The following CAMK2B variants were observed in gnomAD, a reference collection of about 807,000 sequenced individuals.
CAMK2B encodes calcium/calmodulin-dependent protein kinase type II subunit beta.
Under a neutral mutation model 93.7 loss-of-function variants are expected in CAMK2B, and 27 were observed. The observed-to-expected ratio is 0.29, with a 90% CI of 0.21 to 0.40. The LOEUF is 0.40. Ranked by LOEUF, CAMK2B falls within the 10% of genes least tolerant of loss-of-function variation. The pLI, the probability that CAMK2B is intolerant of heterozygous loss-of-function variation, is 1.00. For missense variants in CAMK2B, 568 were observed against 895.8 expected (o/e 0.63, Z 4.67); for synonymous variants, 374 against 358.8 (o/e 1.04, Z -0.48).
At chr7:44,229,158 C>T (rs2096553076) in intron 18 of CAMK2B, 1 of 619,634 alleles carries the variant, frequency 1.6e-6, no homozygotes. Flanking sequence ...TCCAGGGCCT[C>T]CCATCCTGCC....
At chr7:44,242,432 T>C (rs2096689117) in intron 9 of CAMK2B, 92 bp from the exon 10 acceptor site, 1 of 1,558,246 alleles carries the variant, frequency 6.4e-7, no homozygotes. Context: ...CAGCCACGAA[T>C]CTGGGAGAGC....
intron 2 of CAMK2B, among the ~76,000 whole-genome samples, chr7:44,283,217 G>A (rs935230215): frequency 6.6e-6 from 1 of 152,242 alleles, no homozygotes; most frequent in African/African-American, 2.4e-5. Flanking sequence ...TGCCCCGGGA[G>A]GCCTCTGCCC....
Position 44,219,265 on chromosome 7 carries a change from C to T in CAMK2B, c.*260G>A, listed in dbSNP as rs1328726015. On this transcript the variant is annotated 3_prime_UTR_variant, in exon 24 of 24. Transcript: ENST00000395749. ...TGCCAGTGATTTTTACAGCTTTTTC[C>T]TTCCTTTAGTTTTTTTTGTTTTTTT... 4.2e-5 allele frequency: 6 copies of T among 144,482 alleles called. No homozygotes were observed. Among genetic ancestry groups the T allele is most frequent in the African/African-American group, 1.0e-4 (4 of 38,778 alleles). 9.0% of individuals were successfully genotyped at this position (144,482 alleles called of 1,614,324 possible). A position where few individuals can be genotyped will look rare whatever the true frequency, so the allele number is the denominator to read the frequency against.
chr7:44,228,373 C>G (rs1316964503), intron 19 of CAMK2B, among the ~76,000 whole-genome samples: 3 of 152,098 alleles, frequency 2.0e-5, no homozygotes, highest in Non-Finnish European at 2.9e-5. Flanking sequence ...CATCAGGAAC[C>G]AGGGTGGCCC....
At chr7:44,260,028 G>A (rs1371551016) in intron 3 of CAMK2B, among the ~76,000 whole-genome samples, 2 of 152,138 alleles carry the variant, frequency 1.3e-5, no homozygotes, top group African/African-American at 4.8e-5. Flanking sequence ...CTGGCTTGAG[G>A]GCCTGCACTG....
At chr7:44,278,195 G>A (rs770320106) in intron 2 of CAMK2B, among the ~76,000 whole-genome samples, 2 of 152,186 alleles carry the variant, frequency 1.3e-5, no homozygotes, top group Non-Finnish European at 2.9e-5. Flanking sequence ...GGGCCTGCAG[G>A]TTGGGTGGGC....
At chr7:44,229,556 G>A in intron 17 of CAMK2B, 55 bp from the exon 18 acceptor site, 3 of 838,524 alleles carry the variant, frequency 3.6e-6, no homozygotes, top group Non-Finnish European at 5.2e-6. Context: ...AGGAAAAGAA[G>A]GCAACTGGAG....
chr7:44,300,008 A>C (rs1275151435), intron 1 of CAMK2B, among the ~76,000 whole-genome samples: 4 of 118,952 alleles, frequency 3.4e-5, no homozygotes, highest in Admixed American at 1.9e-4. Context: ...ATGTATGTAT[A>C]TGTGTATGTG....
intron 1 of CAMK2B, among the ~76,000 whole-genome samples, chr7:44,292,921 G>A (rs1355174133): frequency 6.6e-6 from 1 of 152,206 alleles, no homozygotes; most frequent in Non-Finnish European, 1.5e-5. Context: ...GCTCATCCAA[G>A]GATACACCCA....
Position 44,325,460 on chromosome 7 carries a change from TCGGGCGGCGGCGACTCCGGCTCCCGCTCG to T in CAMK2B, c.-68_-40del. 1 of 1,039,940 alleles carries T rather than the reference TCGGGCGGCGGCGACTCCGGCTCCCGCTCG, an allele frequency of 9.6e-7. No homozygotes were observed. The allele number at this position is 1,039,940 out of a possible 1,614,324, so 64.4% of individuals were successfully genotyped here. ...GGGCTCGGCGTGCGCTCGGCTGCGC[TCGGGCGGCGGCGACTCCGGCTCCCGCTCG>T]CGGGCACGGCGGCGACACGGGCGCG... On this transcript the variant is annotated 5_prime_UTR_variant, in exon 1 of 24. Transcript: ENST00000395749.
intron 4 of CAMK2B, among the ~76,000 whole-genome samples, chr7:44,256,370 T>G (rs2096833928): frequency 6.6e-6 from 1 of 152,222 alleles, no homozygotes; most frequent in Non-Finnish European, 1.5e-5. Context: ...TGTCTGTGTG[T>G]CTGTACCTAT....
intron 22 of CAMK2B, 117 bp from the exon 23 acceptor site, chr7:44,220,411 G>T: frequency 2.2e-6 from 2 of 914,332 alleles, no homozygotes; most frequent in Non-Finnish European, 3.4e-6. Context: ...GGGAGGCTCG[G>T]CTCTCCTGGG....
chr7:44,253,461 C>G (rs944991884), intron 5 of CAMK2B, among the ~76,000 whole-genome samples: 1 of 152,210 alleles, frequency 6.6e-6, no homozygotes, highest in Non-Finnish European at 1.5e-5. Flanking sequence ...GATCCGCCCA[C>G]CTCGGCCTCC....
chr7:44,240,599 G>C, intron 12 of CAMK2B, 108 bp downstream of exon 12: 1 of 1,287,030 alleles, frequency 7.8e-7, no homozygotes, highest in Non-Finnish European at 1.1e-6. Context: ...GCCGAGGGCA[G>C]GCCTGCCGCA....
At chr7:44,309,562 G>A (rs2116040868) in intron 1 of CAMK2B, among the ~76,000 whole-genome samples, 1 of 152,210 alleles carries the variant, frequency 6.6e-6, no homozygotes, top group East Asian at 1.9e-4. Flanking sequence ...GGAAGGACAG[G>A]CAGAAGCGGT....
chr7:44,272,230 G>A (rs2096981645), intron 2 of CAMK2B, among the ~76,000 whole-genome samples: 1 of 152,228 alleles, frequency 6.6e-6, no homozygotes, highest in Admixed American at 6.5e-5. Flanking sequence ...TAGGTCTGAG[G>A]CAGGAATAAC....
intron 1 of CAMK2B, among the ~76,000 whole-genome samples, chr7:44,317,800 T>C (rs765093445): frequency 4.6e-5 from 7 of 152,084 alleles, no homozygotes; most frequent in Non-Finnish European, 1.0e-4. Context: ...AAAATGAAGG[T>C]AAACTTCAAA....
chr7:44,315,529 C>A (rs1454135267), intron 1 of CAMK2B, among the ~76,000 whole-genome samples: 1 of 152,156 alleles, frequency 6.6e-6, no homozygotes, highest in Non-Finnish European at 1.5e-5. Context: ...CTTTGTTCTC[C>A]TTTTTCAAGA....
At chr7:44,289,497 T>TG (rs1786131182) in intron 1 of CAMK2B, among the ~76,000 whole-genome samples, 1 of 152,146 alleles carries the variant, frequency 6.6e-6, no homozygotes, top group Non-Finnish European at 1.5e-5. Context: ...TTAAGACACT[T>TG]GGTAACGACA....
Sources: gnomAD v4.1 joint callset for allele counts (sites outside exome capture counted in the v4.1 genomes callset) on GRCh38, gnomAD v4.1.1 for gene constraint, MANE v1.5 for transcripts, NCBI Gene and HGNC (gene_info 2026-07-23, HGNC 2026-07-21) for gene names.